The following PTPN18 variants were observed in gnomAD, a reference collection of about 807,000 sequenced individuals.
PTPN18 encodes protein tyrosine phosphatase non-receptor type 18.
Under a neutral mutation model 65.4 loss-of-function variants are expected in PTPN18, and 65 were observed. That is an observed-to-expected ratio of 0.99 (90% confidence interval 0.81 to 1.22). The LOEUF (loss-of-function observed/expected upper bound fraction) is 1.22, where lower values mean the gene tolerates loss of function less well. PTPN18 is among the 50% of genes most tolerant of loss of function. The pLI is 0.00. For synonymous variants in PTPN18, 255 were observed against 267.8 expected (o/e 0.95, Z 0.47); for missense variants, 616 against 646.5 (o/e 0.95, Z 0.51).
chr2:130,359,920 C>T, intron 5 of PTPN18: 1 of 508,062 alleles, frequency 2.0e-6, no homozygotes, highest in Non-Finnish European at 3.6e-6. Context: ...TCTGATCTCT[C>T]TTTCCACCTC....
In PTPN18 at chr2:130,370,878, C is replaced by A. The variant is rs752165356; in HGVS notation, c.838C>A (p.Gln280Lys). The part of the protein sequence containing the change: ...QRPAAVQTEE[Q>K]YRFLYHTVAQ... Reference sequence around the variant, plus strand: ...TGATGGTCCCTCACCCCAACAGGAGCAGTACAGGTTCCTGTACCACACGGT... The same window carrying A: ...TGATGGTCCCTCACCCCAACAGGAGAAGTACAGGTTCCTGTACCACACGGT... Residue 280 changes from glutamine (Q) to lysine (K), a missense_variant, in exon 11 of 15, where the codon CAG becomes AAG. Transcript: ENST00000175756. 6.2e-7 allele frequency: 1 copy of A among 1,613,972 alleles called. No homozygotes were observed. Among genetic ancestry groups the A allele is most frequent in the South Asian group, 1.1e-5 (1 of 91,072 alleles).
intron 2 of PTPN18, 27 bp downstream of exon 2, chr2:130,359,002 G>A (rs753605520): frequency 2.3e-5 from 37 of 1,608,620 alleles, no homozygotes; most frequent in Non-Finnish European, 2.9e-5. Context: ...GTAGGGAGTC[G>A]GTGCAGCCTT....
chr2:130,361,913 G>A lies in PTPN18; in HGVS notation c.414+2267G>A, dbSNP rs189604516. Among the ~76,000 whole-genome samples, 3 of 151,476 alleles carry A rather than the reference G, an allele frequency of 2.0e-5. No individual in the cohort carries two copies. In the East Asian group the frequency reaches 5.9e-4, roughly 30 times the overall value. ...TTAAATTTCTTTAGAGTTTGCATAT[G>A]TCTTTTCCCATTCTTTTACTTTGTA... On this transcript the variant is annotated intron_variant, in intron 5 of 14. Transcript: ENST00000175756.
chr2:130,362,294 G>T (rs748260707), intron 5 of PTPN18: 13 of 351,464 alleles, frequency 3.7e-5, no homozygotes, highest in Non-Finnish European at 6.2e-5. Flanking sequence ...AATCTAATCT[G>T]ACAGTCTCTG....
chr2:130,370,906 C>T lies in PTPN18; in HGVS notation c.866C>T (p.Ala289Val). The T allele has an allele frequency of 6.2e-7, 1 of 1,614,172 alleles. No homozygotes were observed. Among genetic ancestry groups the T allele is most frequent in the Non-Finnish European group, 8.5e-7 (1 of 1,180,028 alleles). The change falls in exon 11 of 15, where the codon GCT (alanine) becomes GTT (valine). Residue 289 changes from alanine to valine, a missense_variant. Transcript: ENST00000175756. ...TACAGGTTCCTGTACCACACGGTGGCTCAGATGTTCTGCTCCACACTCCAG... is the reference window on the plus strand; with the variant it reads ...TACAGGTTCCTGTACCACACGGTGGTTCAGATGTTCTGCTCCACACTCCAG... ...EQYRFLYHTV[A>V]QMFCSTLQNA...
In PTPN18 at chr2:130,370,937, C is replaced by T; in HGVS notation, c.897C>T (p.Ala299=). 6.2e-7 allele frequency: 1 copy of T among 1,614,118 alleles called. No homozygotes were observed. Among genetic ancestry groups the T allele is most frequent in the Non-Finnish European group, 8.5e-7 (1 of 1,179,998 alleles). The part of the protein sequence containing the change: ...AQMFCSTLQN[A]SPHYQNIKEN... The stretch of plus-strand genomic sequence containing the variant: ...TGTTCTGCTCCACACTCCAGAATGC[C>T]AGCCCCCACTACCAGAACATCAAAG... The change falls in exon 11 of 15, where the codon GCC becomes GCT. Residue 299 remains alanine (A), a synonymous_variant. Transcript: ENST00000175756.
chr2:130,372,347 TG>T lies in PTPN18; in HGVS notation c.1107del (p.Thr370ArgfsTer23). The T allele has an allele frequency of 7.2e-7, 1 of 1,390,572 alleles. No homozygotes were observed. The highest frequency in any genetic ancestry group is 1.6e-5 in the South Asian group (1 of 63,916). 86.1% of individuals were successfully genotyped at this position (1,390,572 alleles called of 1,614,324 possible). A position where few individuals can be genotyped will look rare whatever the true frequency, so the allele number is the denominator to read the frequency against. Reference protein sequence around the residue: ...KRGAPAGAGSGTQTGTGTGTG... With the variant: ...KRGAPAGAGSXTQTGTGTGTG... Reference sequence around the variant, plus strand: ...GCGGGGCTCCAGCGGGCGCCGGGAGTGGGACGCAGACGGGGACGGGGACGGG... The same window carrying T: ...GCGGGGCTCCAGCGGGCGCCGGGAGTGGACGCAGACGGGGACGGGGACGGG... On this transcript the variant is annotated frameshift_variant, in exon 13 of 15. Transcript: ENST00000175756. LOFTEE classifies it high-confidence loss of function.
Position 130,370,886 on chromosome 2 carries a change from G to A in PTPN18, c.846G>A (p.Arg282=), listed in dbSNP as rs1377278994. Residue 282 remains arginine, a synonymous_variant, in exon 11 of 15, where the codon AGG becomes AGA. Transcript: ENST00000175756. ...PAAVQTEEQY[R]FLYHTVAQMF... is the part of the protein sequence containing the mutation. ...CCTCACCCCAACAGGAGCAGTACAG[G>A]TTCCTGTACCACACGGTGGCTCAGA... The A allele has an allele frequency of 1.2e-6, 2 of 1,614,088 alleles. No homozygotes were observed. The highest frequency in any genetic ancestry group is 1.3e-5 in the African/African-American group (1 of 75,020).
chr2:130,362,138 G>GT (rs1680235855), intron 5 of PTPN18: 1 of 470,166 alleles, frequency 2.1e-6, no homozygotes, highest in African/African-American at 2.0e-5. Flanking sequence ...CTGATTAATT[G>GT]TTTTTTATTT....
At chr2:130,361,510 TTCTCTTTC>T (rs1680191541) in intron 5 of PTPN18, among the ~76,000 whole-genome samples, 1 of 135,944 alleles carries the variant, frequency 7.4e-6, no homozygotes, top group Non-Finnish European at 1.5e-5. Flanking sequence ...TTTCTTTTCT[TTCTCTTTC>T]TTTCTTTCTT....
rs372863212 is a variant in PTPN18 at position 130,359,510 on chromosome 2, C to T, written c.375+18C>T. ...GGGTCAAGGTCAGCACTTGGGGGTG[C>T]GGCACAATGGTGGGGTCAACATCTA... On this transcript the variant is annotated intron_variant, in intron 4 of 14. Coordinates refer to ENST00000175756, the MANE Select transcript of PTPN18 (RefSeq NM_014369.4). 183 of 1,613,330 alleles carry T rather than the reference C, an allele frequency of 1.1e-4. No individual in the cohort carries two copies. The highest frequency in any genetic ancestry group is 4.0e-4 in the East Asian group (18 of 44,864).
chr2:130,361,999 T>C (rs1226185674), intron 5 of PTPN18, among the ~76,000 whole-genome samples: 2 of 152,128 alleles, frequency 1.3e-5, no homozygotes, highest in Admixed American at 1.3e-4. Context: ...AGGGACTTTT[T>C]TTTTTTAAGA....
At chr2:130,363,785 T>C (rs1459529917) in intron 5 of PTPN18, among the ~76,000 whole-genome samples, 2 of 148,528 alleles carry the variant, frequency 1.3e-5, no homozygotes, top group African/African-American at 5.0e-5. Context: ...TGGGTTTTCA[T>C]GTCTCTTGGG....
chr2:130,360,532 C>T (rs899061618), intron 5 of PTPN18, among the ~76,000 whole-genome samples: 1 of 152,128 alleles, frequency 6.6e-6, no homozygotes, highest in Non-Finnish European at 1.5e-5. Flanking sequence ...TGTCTCATCT[C>T]TCTATTTCGC....
At chr2:130,371,995 G>A (rs1378194239) in intron 12 of PTPN18, 1 of 459,218 alleles carries the variant, frequency 2.2e-6, no homozygotes, top group Non-Finnish European at 3.9e-6. Context: ...TTCAGTAGAC[G>A]TTGACACAGA....
chr2:130,369,081 G>A (rs1249714885), intron 5 of PTPN18, 52 bp from the exon 6 acceptor site: 1 of 1,503,790 alleles, frequency 6.6e-7, no homozygotes, highest in East Asian at 2.3e-5. Context: ...AGCTAGCTCT[G>A]AAGCTGACTC....
At chr2:130,356,530 G>A in intron 1 of PTPN18, 1 of 507,672 alleles carries the variant, frequency 2.0e-6, no homozygotes, top group Middle Eastern at 5.0e-4. Flanking sequence ...GGGAGGGCGG[G>A]CGGCCCTGCT....
Position 130,370,597 on chromosome 2 carries a change from T to C in PTPN18, c.730T>C (p.Tyr244His). Residue 244 changes from tyrosine to histidine, a missense_variant, in exon 9 of 15, where the codon TAT becomes CAT. Physicochemically the swap from Tyr to His is moderately conservative, Grantham distance 83. This residue lies in a region of PTPN18 where 368 missense variants were observed against 386.7 expected (regional missense o/e 0.95). Coordinates refer to ENST00000175756, the MANE Select transcript of PTPN18 (RefSeq NM_014369.4). ...AACAGGCGTCCTGTGCACCGTGGATTATGTGAGGCAGCTGCTCCTGACCCA... is the reference window on the plus strand; with the variant it reads ...AACAGGCGTCCTGTGCACCGTGGATCATGTGAGGCAGCTGCTCCTGACCCA... ...GRTGVLCTVD[Y>H]VRQLLLTQMI... The C allele has an allele frequency of 6.2e-7, 1 of 1,614,078 alleles. No individual in the cohort carries two copies. Among genetic ancestry groups the C allele is most frequent in the South Asian group, 1.1e-5 (1 of 91,078 alleles).
chr2:130,356,964 G>A (rs1312490892), intron 1 of PTPN18, among the ~76,000 whole-genome samples: 1 of 152,212 alleles, frequency 6.6e-6, no homozygotes, highest in East Asian at 1.9e-4. Context: ...GCCGAGGTGG[G>A]AGGATCGCTT....
Sources: gnomAD v4.1 joint callset for allele counts (sites outside exome capture counted in the v4.1 genomes callset) on GRCh38, gnomAD v4.1.1 for gene constraint, gnomAD v4.1.1 regional missense constraint, MANE v1.5 for transcripts, NCBI Gene and HGNC (gene_info 2026-07-23, HGNC 2026-07-21) for gene names.